PCBP3: variants seen among roughly 807,000 people sequenced by gnomAD.
PCBP3 encodes poly(rC) binding protein 3.
Under a neutral mutation model 52.7 loss-of-function variants are expected in PCBP3, and 25 were observed. That is an observed-to-expected ratio of 0.47 (90% CI 0.35 to 0.66). PCBP3 has a LOEUF of 0.66. Among genes scored for constraint, PCBP3 ranks in the 30% least tolerant of loss-of-function variants. The pLI is 0.01. For synonymous variants in PCBP3, 162 were observed against 183.0 expected (o/e 0.89, Z 0.93); for missense variants, 391 against 490.3 (o/e 0.80, Z 1.91).
intron 2 of PCBP3, among the ~76,000 whole-genome samples, chr21:45,710,676 C>T (rs1030539234): frequency 6.6e-6 from 1 of 152,180 alleles, no homozygotes; most frequent in Admixed American, 6.5e-5. Flanking sequence ...TCTTTCCATA[C>T]TGTACTGTTT....
In PCBP3 at chr21:45,749,409, G is replaced by A. The variant is rs182047301; in HGVS notation, c.-161-6008G>A. ...CAGAAGGGAGGAAAACACAGAAGACGAGGGCTGAAAGATGGCATTGGACTT... is the reference window on the plus strand; with the variant it reads ...CAGAAGGGAGGAAAACACAGAAGACAAGGGCTGAAAGATGGCATTGGACTT... On this transcript the variant is annotated intron_variant, in intron 3 of 17. Coordinates refer to ENST00000681687, the MANE Select transcript of PCBP3 (RefSeq NM_001384156.1). 2.0e-5 allele frequency: 3 copies of A among 152,266 alleles called. No homozygotes were observed. The East Asian group carries it at 5.8e-4, about 29-fold the overall frequency. 9.4% of individuals were successfully genotyped at this position (152,266 alleles called of 1,614,324 possible).
At chr21:45,863,504 C>T (rs556088577) in intron 5 of PCBP3, among the ~76,000 whole-genome samples, 2 of 152,178 alleles carry the variant, frequency 1.3e-5, no homozygotes, top group Non-Finnish European at 2.9e-5. Flanking sequence ...GAAATGACAG[C>T]GCATGAGTGC....
chr21:45,710,828 C>T (rs1016780464), intron 2 of PCBP3, among the ~76,000 whole-genome samples: 1 of 152,068 alleles, frequency 6.6e-6, no homozygotes, highest in Non-Finnish European at 1.5e-5. Flanking sequence ...TTTATTTTTC[C>T]AATCATTTAT....
At chr21:45,874,980 G>GCCTGGGCCAGCCCCCTGTA (rs2095196034) in intron 5 of PCBP3, among the ~76,000 whole-genome samples, 1 of 152,192 alleles carries the variant, frequency 6.6e-6, no homozygotes, top group South Asian at 2.1e-4. Flanking sequence ...CTGCAGGAGT[G>GCCTGGGCCAGCCCCCTGTA]CCTGGGCCAG....
At chr21:45,787,707 G>T (rs1384603140) in intron 4 of PCBP3, among the ~76,000 whole-genome samples, 1 of 152,226 alleles carries the variant, frequency 6.6e-6, no homozygotes, top group Non-Finnish European at 1.5e-5. Context: ...AGGGCTAATG[G>T]CTGTCCACAG....
intron 9 of PCBP3, among the ~76,000 whole-genome samples, chr21:45,901,744 A>AGAGACAGAGAGATTAG (rs1569474835): frequency 1.2e-5 from 1 of 86,760 alleles, no homozygotes. Flanking sequence ...GAGAGACAGA[A>AGAGACAGAGAGATTAG]AGAGAGAGAG....
At chr21:45,815,801 GA>G (rs1422279161) in intron 4 of PCBP3, among the ~76,000 whole-genome samples, 25 of 61,932 alleles carry the variant, frequency 4.0e-4, no homozygotes, top group East Asian at 6.9e-4. Context: ...GGTGAGTGAT[GA>G]GTGAGTGGTG....
chr21:45,749,314 A>C (rs1243767142), intron 3 of PCBP3: 1 of 152,176 alleles, frequency 6.6e-6, no homozygotes, highest in Non-Finnish European at 1.5e-5. Flanking sequence ...TTACACGTTC[A>C]CCAGCATTTC....
chr21:45,731,978 A>G (rs2085489599), intron 2 of PCBP3, among the ~76,000 whole-genome samples: 1 of 151,438 alleles, frequency 6.6e-6, no homozygotes, highest in Non-Finnish European at 1.5e-5. Context: ...AATGGTTTTC[A>G]CTTCTTTTTG....
At chr21:45,839,522 T>C (rs1046478408) in intron 4 of PCBP3, among the ~76,000 whole-genome samples, 10 of 152,162 alleles carry the variant, frequency 6.6e-5, no homozygotes, top group African/African-American at 2.4e-4. Context: ...TCTTGTGGAG[T>C]CATATCTTTT....
intron 4 of PCBP3, among the ~76,000 whole-genome samples, chr21:45,807,085 C>T (rs990949491): frequency 4.6e-5 from 7 of 152,110 alleles, no homozygotes; most frequent in African/African-American, 7.2e-5. Flanking sequence ...CAATATCACA[C>T]GAATGGGCAA....
chr21:45,883,551 A>G (rs896875209), intron 5 of PCBP3, among the ~76,000 whole-genome samples: 1 of 152,176 alleles, frequency 6.6e-6, no homozygotes, highest in Non-Finnish European at 1.5e-5. Context: ...TCTGCTTCAC[A>G]TATTTTACAG....
chr21:45,841,815 T>C (rs1403070822), intron 4 of PCBP3, among the ~76,000 whole-genome samples: 1 of 152,202 alleles, frequency 6.6e-6, no homozygotes, highest in Non-Finnish European at 1.5e-5. Context: ...CTCTCTGTTA[T>C]TACGGTGAAA....
chr21:45,786,150 A>AAATAAATC lies in PCBP3; in HGVS notation c.-126+30700_-126+30707dup, dbSNP rs1465888505. ...TCAATAAAAAAATAAATAAATAAAT[A>AAATAAATC]AATAAATCATATCAAAGTAAAAAGT... On this transcript the variant is annotated intron_variant, in intron 4 of 17. Transcript: ENST00000681687. 1.7e-3 allele frequency among the ~76,000 whole-genome samples: 262 copies of AAATAAATC among 151,144 alleles called. 2 individuals carry two copies. The highest frequency in any genetic ancestry group is 6.1e-3 in the African/African-American group (249 of 40,898).
At chr21:45,792,846 C>T (rs531332924) in intron 4 of PCBP3, among the ~76,000 whole-genome samples, 1 of 152,184 alleles carries the variant, frequency 6.6e-6, no homozygotes, top group Non-Finnish European at 1.5e-5. Flanking sequence ...CCCCCTCAAA[C>T]CCCCCGGCTT....
chr21:45,849,776 G>A (rs1439983463), intron 4 of PCBP3, among the ~76,000 whole-genome samples, 185 bp from the exon 5 acceptor site: 1 of 152,164 alleles, frequency 6.6e-6, no homozygotes, highest in Non-Finnish European at 1.5e-5. Flanking sequence ...GTGTTGGGGG[G>A]AAGAGCCCCA....
intron 15 of PCBP3, among the ~76,000 whole-genome samples, chr21:45,933,611 G>T (rs1348491432): frequency 6.6e-6 from 1 of 152,200 alleles, no homozygotes. Flanking sequence ...AATAAGTGTT[G>T]TTTTGAAAGT....
At chr21:45,680,678 G>A (rs1252815689) in intron 2 of PCBP3, among the ~76,000 whole-genome samples, 1 of 152,024 alleles carries the variant, frequency 6.6e-6, no homozygotes, top group East Asian at 1.9e-4. Context: ...TGATCTCTAG[G>A]TCTTTTATTT....
At chr21:45,910,768 G>A in intron 10 of PCBP3, 134 bp from the exon 11 acceptor site, 2 of 794,248 alleles carry the variant, frequency 2.5e-6, no homozygotes, top group East Asian at 2.8e-5. Flanking sequence ...GGCGGTGGGG[G>A]AGGGGGCGCG....
Sources: allele counts gnomAD v4.1 joint callset (sites outside exome capture counted in the v4.1 genomes callset), GRCh38; gene constraint gnomAD v4.1.1; transcripts MANE v1.5; gene names NCBI Gene and HGNC (gene_info 2026-07-23, HGNC 2026-07-21).